EPS8: variants seen among roughly 807,000 people sequenced by gnomAD.
The protein encoded by EPS8 is EGFR pathway substrate 8, signaling adaptor, also known as epidermal growth factor receptor kinase substrate 8.
A neutral mutation model predicts 103.8 loss-of-function variants in EPS8; 42 were observed. The observed-to-expected ratio is 0.40, with a 90% CI of 0.32 to 0.52. EPS8 has a LOEUF of 0.52. Ranked by LOEUF, EPS8 falls within the 20% of genes least tolerant of loss-of-function variation. The pLI is 0.40. For synonymous variants in EPS8, 344 were observed against 344.6 expected (o/e 1.00, Z 0.02); for missense variants, 969 against 1,005.1 (o/e 0.96, Z 0.49).
chr12:15,757,122 T>C lies in EPS8; in HGVS notation c.-22+32039A>G, dbSNP rs1018580763. On this transcript the variant is annotated intron_variant, in intron 1 of 20. Coordinates refer to ENST00000281172, the MANE Select transcript of EPS8 (RefSeq NM_004447.6). The surrounding 1 kb of genome is among the most constrained non-coding windows in gnomAD (Gnocchi z 4.1). ...ATAAATTTTATGTCCCTAGTAACTG[T>C]AATAGAAACCTAGAAATATTTATTA... Among the ~76,000 whole-genome samples the C allele has an allele frequency of 1.3e-5, 2 of 152,192 alleles. No homozygotes were observed. The highest frequency in any genetic ancestry group is 2.9e-5 in the Non-Finnish European group (2 of 68,028).
At chr12:15,625,767 A>G (rs1944934355) in intron 18 of EPS8, among the ~76,000 whole-genome samples, 1 of 151,904 alleles carries the variant, frequency 6.6e-6, no homozygotes. Context: ...CATCTCTCCA[A>G]CTAAGTAATA....
At chr12:15,626,099 G>T (rs1053295316) in intron 18 of EPS8, among the ~76,000 whole-genome samples, 1 of 152,038 alleles carries the variant, frequency 6.6e-6, no homozygotes, top group South Asian at 2.1e-4. Context: ...TATCTTTCCA[G>T]TTCTGGCAAA....
At chr12:15,741,776 A>C (rs1192988522) in intron 1 of EPS8, among the ~76,000 whole-genome samples, 1 of 152,004 alleles carries the variant, frequency 6.6e-6, no homozygotes, top group East Asian at 1.9e-4. Flanking sequence ...GGTTTGTTAC[A>C]TATGTATACA....
intron 1 of EPS8, among the ~76,000 whole-genome samples, chr12:15,711,323 C>G (rs1352283151): frequency 6.6e-6 from 1 of 152,128 alleles, no homozygotes; most frequent in African/African-American, 2.4e-5. Context: ...GGAGACTTCT[C>G]TATACAATTT....
intron 8 of EPS8, 151 bp downstream of exon 8, chr12:15,665,605 A>G (rs1945694021): frequency 1.2e-6 from 1 of 847,660 alleles, no homozygotes; most frequent in Non-Finnish European, 1.9e-6. Context: ...CACTGGGATT[A>G]CAGGCATGAG....
chr12:15,691,381 T>TA (rs113678020), intron 1 of EPS8, among the ~76,000 whole-genome samples: 23 of 150,408 alleles, frequency 1.5e-4, no homozygotes, highest in African/African-American at 3.7e-4. Context: ...TTTCTACCAA[T>TA]AAAAAAAAAT....
chr12:15,666,005 C>A (rs892275323), intron 7 of EPS8, 113 bp from the exon 8 acceptor site: 3 of 1,087,764 alleles, frequency 2.8e-6, no homozygotes, highest in Non-Finnish European at 4.0e-6. Flanking sequence ...TGTCAAGGGA[C>A]AATAAGGATT....
chr12:15,630,863 T>C (rs893851148), intron 18 of EPS8, among the ~76,000 whole-genome samples: 1 of 152,142 alleles, frequency 6.6e-6, no homozygotes, highest in African/African-American at 2.4e-5. Flanking sequence ...GTCCTGTGCA[T>C]TGTAATTGTT....
rs1211120155 is a variant in EPS8 at position 15,689,943 on chromosome 12, A to G, written c.-21-6971T>C. On this transcript the variant is annotated intron_variant, in intron 1 of 20. Transcript: ENST00000281172. ...TCTTTAATGAGACTGAAACGCCTGA[A>G]TTCAAATTTCATTCTGGTGTATTAA... is the stretch of plus-strand genomic sequence containing the variant. 2.6e-5 allele frequency among the ~76,000 whole-genome samples: 4 copies of G among 152,218 alleles called. No homozygotes were observed. In the East Asian group the frequency reaches 7.7e-4, roughly 29 times the overall value.
At chr12:15,652,083 C>A (rs182863350) in intron 13 of EPS8, among the ~76,000 whole-genome samples, 1 of 151,944 alleles carries the variant, frequency 6.6e-6, no homozygotes, top group Non-Finnish European at 1.5e-5. Context: ...AAAATCATAA[C>A]CTATATAAAT....
At chr12:15,710,424 C>A (rs1946446620) in intron 1 of EPS8, among the ~76,000 whole-genome samples, 1 of 152,116 alleles carries the variant, frequency 6.6e-6, no homozygotes, top group African/African-American at 2.4e-5. Flanking sequence ...AATGTTGATA[C>A]AAAATCTAAG....
In EPS8 at chr12:15,623,143, G is replaced by T; in HGVS notation, c.2355+15C>A. The T allele has an allele frequency of 1.3e-6, 2 of 1,595,906 alleles. No homozygotes were observed. Among genetic ancestry groups the T allele is most frequent in the African/African-American group, 1.4e-5 (1 of 73,716 alleles). On this transcript the variant is annotated intron_variant, in intron 20 of 20. Coordinates refer to ENST00000281172, the MANE Select transcript of EPS8 (RefSeq NM_004447.6). ...AATTTGCAGAAAAACACCACCTTAGGTTGACAAGTCATACCTCCAATGCAG... is the reference window on the plus strand; with the variant it reads ...AATTTGCAGAAAAACACCACCTTAGTTTGACAAGTCATACCTCCAATGCAG...
chr12:15,657,720 C>G (rs1945532383), intron 12 of EPS8, among the ~76,000 whole-genome samples: 1 of 152,154 alleles, frequency 6.6e-6, no homozygotes, highest in Non-Finnish European at 1.5e-5. Context: ...CCATCAAGAA[C>G]TAGACTTCTC....
chr12:15,763,912 T>C (rs1947067146), intron 1 of EPS8, among the ~76,000 whole-genome samples: 1 of 152,240 alleles, frequency 6.6e-6, no homozygotes, highest in Non-Finnish European at 1.5e-5. Context: ...CTTGCTATTA[T>C]GAAAACTATG....
At chr12:15,782,373 TGCC>T (rs1947268981) in intron 1 of EPS8, among the ~76,000 whole-genome samples, 3 of 152,026 alleles carry the variant, frequency 2.0e-5, no homozygotes, top group Admixed American at 6.5e-5. Flanking sequence ...TGGTGATACA[TGCC>T]TATGGTTCCA....
At chr12:15,711,518 G>A (rs1946464239) in intron 1 of EPS8, among the ~76,000 whole-genome samples, 1 of 152,074 alleles carries the variant, frequency 6.6e-6, no homozygotes, top group Admixed American at 6.5e-5. Flanking sequence ...CTAAAGGTGG[G>A]GACAGGTGGA....
chr12:15,787,032 T>C lies in EPS8; in HGVS notation c.-22+2129A>G, dbSNP rs1370600666. 6.6e-6 allele frequency among the ~76,000 whole-genome samples: 1 copy of C among 152,162 alleles called. No individual in the cohort carries two copies. On this transcript the variant is annotated intron_variant, in intron 1 of 20. Transcript: ENST00000281172. This position sits in a 1 kb window ranked among gnomAD's most constrained non-coding sequence, Gnocchi z 4.9. ...CACAACTCAGGAAAGCTGAGTTGTA[T>C]ATAAATATTACATAAATCAGTGTTA...
chr12:15,732,891 AT>A (rs1946732806), intron 1 of EPS8: 1 of 247,232 alleles, frequency 4.0e-6, no homozygotes, highest in South Asian at 1.5e-4. Context: ...AAGGAACAGA[AT>A]AAGTAAGCTA....
chr12:15,785,967 G>C lies in EPS8; in HGVS notation c.-22+3194C>G, dbSNP rs940892405. 6.6e-6 allele frequency among the ~76,000 whole-genome samples: 1 copy of C among 151,482 alleles called. No individual in the cohort carries two copies. The highest frequency in any genetic ancestry group is 2.4e-5 in the African/African-American group (1 of 41,278). On this transcript the variant is annotated intron_variant, in intron 1 of 20. Transcript: ENST00000281172. The surrounding 1 kb of genome is among the most constrained non-coding windows in gnomAD (Gnocchi z 4.9). The stretch of plus-strand genomic sequence containing the variant: ...TCCAGAACAAAATAAATATGATTGA[G>C]TAAATAAATACATGGGGGAGAAGAG...
Sources: allele counts gnomAD v4.1 joint callset (sites outside exome capture counted in the v4.1 genomes callset), GRCh38; gene constraint gnomAD v4.1.1; non-coding constraint Gnocchi (gnomAD v3.1); transcripts MANE v1.5; gene names NCBI Gene and HGNC (gene_info 2026-07-23, HGNC 2026-07-21).